The following IFT56 variants were observed in gnomAD, a reference collection of about 807,000 sequenced individuals.
IFT56 encodes intraflagellar transport protein 56.
the IFT56 span, among the ~76,000 whole-genome samples, chr7:139,168,956 A>G: frequency 3.3e-5 from 5 of 152,218 alleles, no homozygotes. Context: ...AATGAGTTTA[A>G]TAAATACTCC....
At chr7:139,180,655 G>C in the IFT56 span, among the ~76,000 whole-genome samples, 1 of 151,688 alleles carries the variant, frequency 6.6e-6, no homozygotes, top group Non-Finnish European at 1.5e-5. Flanking sequence ...GTTGCAGTGA[G>C]CCAAGATCGC....
At chr7:139,147,025 A>T in the IFT56 span, 2 of 1,543,292 alleles carry the variant, frequency 1.3e-6, no homozygotes, top group Non-Finnish European at 1.7e-6. Flanking sequence ...GGAAATAGGA[A>T]GAAGAGAGAG....
chr7:139,154,636 C>T, the IFT56 span, among the ~76,000 whole-genome samples: 3 of 152,252 alleles, frequency 2.0e-5, no homozygotes, highest in African/African-American at 4.8e-5. Context: ...TGTTGAAAAT[C>T]AGTTTATCAT....
chr7:139,145,428 T>G, the IFT56 span, among the ~76,000 whole-genome samples: 1 of 151,882 alleles, frequency 6.6e-6, no homozygotes, highest in East Asian at 1.9e-4. Context: ...AGATTTTTTT[T>G]GTTTGTTTTT....
chr7:139,160,848 G>A, the IFT56 span: 29 of 782,908 alleles, frequency 3.7e-5, no homozygotes, highest in Non-Finnish European at 4.7e-5. Context: ...AAATGAAATA[G>A]CATGTTAAAT....
At chr7:139,144,642 TAA>T in the IFT56 span, among the ~76,000 whole-genome samples, 2 of 152,136 alleles carry the variant, frequency 1.3e-5, no homozygotes, top group Admixed American at 6.5e-5. Context: ...GTATCGCATG[TAA>T]ACACTTTGTC....
At chr7:139,134,383 G>T in the IFT56 span, among the ~76,000 whole-genome samples, 2 of 151,272 alleles carry the variant, frequency 1.3e-5, no homozygotes, top group African/African-American at 4.9e-5. Context: ...CGTTTCTTCT[G>T]CCTCAGCCTC....
chr7:139,163,932 T>C, the IFT56 span, among the ~76,000 whole-genome samples: 1 of 152,232 alleles, frequency 6.6e-6, no homozygotes, highest in Non-Finnish European at 1.5e-5. Flanking sequence ...GTGCATTTAT[T>C]TGTGAAACAG....
the IFT56 span, among the ~76,000 whole-genome samples, chr7:139,180,208 G>A: frequency 8.1e-3 from 1,236 of 152,096 alleles, 10 homozygotes; most frequent in Non-Finnish European, 0.012. Context: ...GCGGTGGTGG[G>A]CGCCTGTAGT....
chr7:139,143,978 T>A, the IFT56 span, among the ~76,000 whole-genome samples: 1 of 152,172 alleles, frequency 6.6e-6, no homozygotes, highest in Non-Finnish European at 1.5e-5. Flanking sequence ...CTCTCCATCT[T>A]ATGTGCAAAT....
chr7:139,182,494 G>A, the IFT56 span, among the ~76,000 whole-genome samples: 2 of 152,154 alleles, frequency 1.3e-5, no homozygotes, highest in African/African-American at 4.8e-5. Flanking sequence ...TAAATCTGAA[G>A]TGTCTTTGAG....
the IFT56 span, among the ~76,000 whole-genome samples, chr7:139,182,362 A>C: frequency 6.6e-6 from 1 of 152,230 alleles, no homozygotes; most frequent in East Asian, 1.9e-4. Flanking sequence ...TTTAAGACAT[A>C]GGAAACTTAA....
chr7:139,146,896 G>A, the IFT56 span: 1 of 983,580 alleles, frequency 1.0e-6, no homozygotes, highest in Non-Finnish European at 1.5e-6. Context: ...AAGGGGAAGG[G>A]TCAAATAGTA....
the IFT56 span, among the ~76,000 whole-genome samples, chr7:139,152,228 G>A: frequency 6.6e-6 from 1 of 152,206 alleles, no homozygotes; most frequent in Non-Finnish European, 1.5e-5. Context: ...CTGGGCTCAA[G>A]TGATCCTTTT....
At chr7:139,177,611 AGTG>A in the IFT56 span, among the ~76,000 whole-genome samples, 1 of 148,476 alleles carries the variant, frequency 6.7e-6, no homozygotes. Context: ...ATATATATAT[AGTG>A]TGTGTGTGTG....
At chr7:139,152,741 T>C in the IFT56 span, among the ~76,000 whole-genome samples, 1 of 152,232 alleles carries the variant, frequency 6.6e-6, no homozygotes, top group East Asian at 1.9e-4. Context: ...TATTGAGATA[T>C]AATTAACATA....
At chr7:139,172,643 G>A in the IFT56 span, 1 of 606,628 alleles carries the variant, frequency 1.6e-6, no homozygotes, top group Non-Finnish European at 3.2e-6. Context: ...CTTCAACAAA[G>A]CCTTCAGATT....
chr7:139,147,552 A>G, the IFT56 span, among the ~76,000 whole-genome samples: 3 of 152,182 alleles, frequency 2.0e-5, no homozygotes, highest in East Asian at 5.8e-4. Flanking sequence ...GTATATTAAT[A>G]TATATCCATA....
At chr7:139,183,265 C>G in the IFT56 span, among the ~76,000 whole-genome samples, 3 of 152,060 alleles carry the variant, frequency 2.0e-5, no homozygotes, top group Middle Eastern at 3.4e-3. Flanking sequence ...TCTCAGTGGT[C>G]CCATGACCAC....
Sources: gnomAD v4.1 joint callset for allele counts (sites outside exome capture counted in the v4.1 genomes callset) on GRCh38, gnomAD v4.1.1 for gene constraint, MANE v1.5 for transcripts, NCBI Gene and HGNC (gene_info 2026-07-23, HGNC 2026-07-21) for gene names.